Variants in ACTR3C observed in about 807,000 individuals in gnomAD.
ACTR3C encodes the protein actin related protein 3C, also known as actin-related protein 3C.
Under a neutral mutation model 26.3 loss-of-function variants are expected in ACTR3C, and 18 were observed. That is an observed-to-expected ratio of 0.68 (90% CI 0.47 to 1.01). ACTR3C has a LOEUF of 1.01. Among genes scored for constraint, ACTR3C ranks in the 50% least tolerant of loss-of-function variants. The pLI is 0.00. For missense variants in ACTR3C, 184 were observed against 250.7 expected (o/e 0.73, Z 1.80); for synonymous variants, 55 against 94.5 (o/e 0.58, Z 2.42).
At chr7:150,104,719 C>T in the ACTR3C span, among the ~76,000 whole-genome samples, 486 of 152,110 alleles carry the variant, frequency 3.2e-3, 8 homozygotes, top group African/African-American at 0.011. Flanking sequence ...AAAACCTCCA[C>T]GTTTTTGTCA....
chr7:150,082,934 CTTTTTTTTTTTTCTTTTTT>C, the ACTR3C span, among the ~76,000 whole-genome samples: 1 of 104,984 alleles, frequency 9.5e-6, no homozygotes, highest in Non-Finnish European at 1.9e-5. Context: ...TCTTTTTTTT[CTTTTTTTTTTTTCTTTTTT>C]TTTTTTTTTC....
chr7:150,121,352 T>C, the ACTR3C span, among the ~76,000 whole-genome samples: 1 of 152,086 alleles, frequency 6.6e-6, no homozygotes, highest in Non-Finnish European at 1.5e-5. Flanking sequence ...GCCCAAAAAC[T>C]CCTTAAGCTG....
intron 6 of ACTR3C, among the ~76,000 whole-genome samples, chr7:150,259,400 C>A (rs1362022152): frequency 2.0e-5 from 3 of 152,046 alleles, no homozygotes; most frequent in Middle Eastern, 3.2e-3. Flanking sequence ...TAATAAAAAT[C>A]AAAAACGAAT....
At chr7:150,233,892 C>T in the ACTR3C span, among the ~76,000 whole-genome samples, 2 of 151,936 alleles carry the variant, frequency 1.3e-5, 1 homozygote, top group South Asian at 4.1e-4. Context: ...TAAAATTTTC[C>T]ATTAAAACCC....
chr7:149,977,836 T>C, the ACTR3C span, among the ~76,000 whole-genome samples: 1 of 152,110 alleles, frequency 6.6e-6, no homozygotes, highest in African/African-American at 2.4e-5. Flanking sequence ...TTGTATCACC[T>C]GAGATGATGT....
the ACTR3C span, among the ~76,000 whole-genome samples, chr7:150,118,138 G>A: frequency 2.1e-3 from 323 of 152,232 alleles, no homozygotes; most frequent in Non-Finnish European, 2.5e-3. Flanking sequence ...AAAAACCAGC[G>A]CGAAAAGGCT....
chr7:150,019,593 AAATAAAAATAATAAT>A, the ACTR3C span, among the ~76,000 whole-genome samples: 44 of 124,490 alleles, frequency 3.5e-4, no homozygotes, highest in South Asian at 5.1e-3. Context: ...TCTGTCTCAA[AAATAAAAATAATAAT>A]AATAATAATA....
At chr7:150,229,276 A>G in the ACTR3C span, among the ~76,000 whole-genome samples, 3 of 152,200 alleles carry the variant, frequency 2.0e-5, no homozygotes, top group South Asian at 6.2e-4. Context: ...TTAAAGGGAA[A>G]GCATCCAGTG....
At chr7:150,042,127 T>C in the ACTR3C span, among the ~76,000 whole-genome samples, 3 of 50,830 alleles carry the variant, frequency 5.9e-5, no homozygotes, top group African/African-American at 8.9e-5. Flanking sequence ...GCGATGGGGG[T>C]CCTAAGAGCC....
chr7:150,230,326 T>G, the ACTR3C span, among the ~76,000 whole-genome samples: 13 of 152,320 alleles, frequency 8.5e-5, no homozygotes, highest in African/African-American at 3.1e-4. Context: ...TTCAGTGTCT[T>G]TAATACAAAT....
chr7:150,183,849 T>C, the ACTR3C span, among the ~76,000 whole-genome samples: 6,981 of 150,242 alleles, frequency 0.046, 424 homozygotes, highest in East Asian at 0.17. Context: ...GTGGAGGTAA[T>C]TGAATTATGG....
chr7:149,935,473 C>T, the ACTR3C span, among the ~76,000 whole-genome samples: 1 of 148,024 alleles, frequency 6.8e-6, no homozygotes, highest in Non-Finnish European at 1.5e-5. Flanking sequence ...ATGATCTCGG[C>T]TCACTGCAAC....
At chr7:150,111,151 C>G in the ACTR3C span, among the ~76,000 whole-genome samples, 1 of 140,630 alleles carries the variant, frequency 7.1e-6, no homozygotes, top group South Asian at 2.2e-4. Flanking sequence ...CTCTCAAGCT[C>G]ATTCTGGGGC....
chr7:150,091,807 A>C, the ACTR3C span, among the ~76,000 whole-genome samples: 649 of 127,460 alleles, frequency 5.1e-3, no homozygotes, highest in Admixed American at 0.011. Flanking sequence ...ACGGTGAAAC[A>C]CCGTCTCTAC....
the ACTR3C span, among the ~76,000 whole-genome samples, chr7:150,084,979 G>A: frequency 6.6e-6 from 1 of 152,114 alleles, no homozygotes; most frequent in African/African-American, 2.4e-5. Context: ...GATCGATGAG[G>A]CTTGCTGAAT....
chr7:150,109,134 G>A, the ACTR3C span, among the ~76,000 whole-genome samples: 1 of 151,906 alleles, frequency 6.6e-6, no homozygotes, highest in African/African-American at 2.4e-5. Context: ...TGTAACCAGG[G>A]GAAAGAAGAC....
At chr7:150,121,928 A>G in the ACTR3C span, among the ~76,000 whole-genome samples, 1 of 152,140 alleles carries the variant, frequency 6.6e-6, no homozygotes. Flanking sequence ...AACACTGCAC[A>G]ACTACAACCA....
the ACTR3C span, among the ~76,000 whole-genome samples, chr7:149,930,747 C>A: frequency 2.6e-5 from 4 of 152,212 alleles, no homozygotes; most frequent in Non-Finnish European, 5.9e-5. Flanking sequence ...AGATTTCCCC[C>A]ACCAAACTCA....
At chr7:150,037,865 G>T in the ACTR3C span, among the ~76,000 whole-genome samples, 1 of 114,202 alleles carries the variant, frequency 8.8e-6, no homozygotes, top group Non-Finnish European at 2.0e-5. Context: ...CCCCAGCGAT[G>T]GGGGTCCTAA....
Sources: allele counts gnomAD v4.1 joint callset (sites outside exome capture counted in the v4.1 genomes callset), GRCh38; gene constraint gnomAD v4.1.1; transcripts MANE v1.5; gene names NCBI Gene and HGNC (gene_info 2026-07-23, HGNC 2026-07-21).